Variants in PRKX observed in about 807,000 individuals in gnomAD.
PRKX encodes the protein protein kinase cAMP-dependent X-linked catalytic subunit.
Under a neutral mutation model 22.0 loss-of-function variants are expected in PRKX, and 12 were observed. The observed-to-expected ratio is 0.54, with a 90% CI of 0.35 to 0.88. The LOEUF is 0.88. Ranked by LOEUF, PRKX falls within the 40% of genes least tolerant of loss-of-function variation. The pLI is 0.01. For missense variants in PRKX, 217 were observed against 308.0 expected, an observed-to-expected ratio of 0.70 and a Z score of 2.21; for synonymous variants, 134 against 137.7, an observed-to-expected ratio of 0.97 and a Z score of 0.19.
intron 3 of PRKX, among the ~76,000 whole-genome samples, chrX:3,651,422 T>G (rs940602815): frequency 1.8e-5 from 2 of 112,039 alleles, no homozygotes; most frequent in Non-Finnish European, 3.8e-5. Flanking sequence ...TTAAAAGAAT[T>G]TACTAATATA....
chrX:3,669,658 T>C (rs948821282), intron 2 of PRKX, among the ~76,000 whole-genome samples: 1 of 111,981 alleles, frequency 8.9e-6, no homozygotes, highest in African/African-American at 3.3e-5. Flanking sequence ...TATCAATCAA[T>C]CACCTACCCA....
chrX:3,668,244 T>C (rs765649231), intron 2 of PRKX: 2 of 111,740 alleles, frequency 1.8e-5, no homozygotes, highest in Admixed American at 9.5e-5. Flanking sequence ...AAACATGCAA[T>C]GTATCATTTT....
chrX:3,622,626 G>A (rs190741757), intron 5 of PRKX, among the ~76,000 whole-genome samples: 163 of 111,355 alleles, frequency 1.5e-3, no homozygotes, highest in Non-Finnish European at 1.2e-3. Flanking sequence ...TCTGAATTAG[G>A]ATGGGATGCT....
At chrX:3,657,949 G>A (rs924815731) in intron 2 of PRKX, among the ~76,000 whole-genome samples, 3 of 111,795 alleles carry the variant, frequency 2.7e-5, no homozygotes, top group Non-Finnish European at 3.8e-5. Flanking sequence ...AAGATGGGAC[G>A]GGTGGGGTAT....
intron 2 of PRKX, among the ~76,000 whole-genome samples, chrX:3,672,843 C>T (rs1927874551): frequency 9.0e-6 from 1 of 111,102 alleles, no homozygotes; most frequent in South Asian, 3.8e-4. Flanking sequence ...CACAGCAAGA[C>T]TTCATCCTAC....
rs1926209074 is a variant in PRKX, at chrX:3,607,762, T to G, written c.*1207A>C. On this transcript the variant is annotated 3_prime_UTR_variant, in exon 9 of 9. Transcript: ENST00000262848. Reference sequence around the variant, plus strand: ...CTAGGCTCAATCTTCCTGCCTCAGCTTCCCAAAGTCCCAGGGTTACAGGAG... The same window carrying G: ...CTAGGCTCAATCTTCCTGCCTCAGCGTCCCAAAGTCCCAGGGTTACAGGAG... The G allele has an allele frequency of 9.1e-6, 1 of 110,371 alleles. No individual in the cohort carries two copies. 9.1% of individuals were successfully genotyped at this position (110,371 alleles called of 1,213,427 possible). A position where few individuals can be genotyped will look rare whatever the true frequency, so the allele number is the denominator to read the frequency against.
intron 1 of PRKX, among the ~76,000 whole-genome samples, chrX:3,704,377 A>G (rs1490984739): frequency 8.9e-6 from 1 of 112,084 alleles, no homozygotes; most frequent in African/African-American, 3.2e-5. Flanking sequence ...TAAAGTACAT[A>G]GGTCAGGCAG....
At chrX:3,629,299 C>A (rs1182577287) in intron 4 of PRKX, among the ~76,000 whole-genome samples, 11 of 109,696 alleles carry the variant, frequency 1.0e-4, no homozygotes, top group African/African-American at 3.3e-4. Flanking sequence ...TGGAGTACTG[C>A]AGCGTGATCC....
rs1252674150 is a variant in PRKX, at chrX:3,653,639, A to AATATATATATATAATATACTATGTG, written c.599+1509_599+1510insCACATAGTATATTATATATATATAT. 9.3e-4 allele frequency among the ~76,000 whole-genome samples: 35 copies of AATATATATATATAATATACTATGTG among 37,560 alleles called. 1 individual carries two copies. Among genetic ancestry groups the AATATATATATATAATATACTATGTG allele is most frequent in the Middle Eastern group, 0.015 (1 of 65 alleles). 32.6% of individuals were successfully genotyped at this position (37,560 alleles called of 115,157 possible). On this transcript the variant is annotated intron_variant, in intron 3 of 8. Transcript: ENST00000262848. ...ATATATTATATATAATATACTATGTAATATATATATTATATATAATATACT... is the reference window on the plus strand; with the variant it reads ...ATATATTATATATAATATACTATGTAATATATATATATAATATACTATGTGATATATATATTATATATAATATACT...
chrX:3,639,692 G>A (rs760180614), intron 4 of PRKX, among the ~76,000 whole-genome samples: 4 of 110,626 alleles, frequency 3.6e-5, no homozygotes, highest in South Asian at 3.9e-4. Context: ...AGGTTTTTAC[G>A]GGTTCCACTC....
chrX:3,673,346 G>A (rs1348033634), intron 2 of PRKX, among the ~76,000 whole-genome samples: 1 of 111,527 alleles, frequency 9.0e-6, no homozygotes, highest in Non-Finnish European at 1.9e-5. Flanking sequence ...GGTGGCAGGG[G>A]GCCAGTCCAC....
intron 1 of PRKX, among the ~76,000 whole-genome samples, chrX:3,689,857 G>A (rs962297322): frequency 2.9e-4 from 32 of 111,183 alleles, no homozygotes; most frequent in African/African-American, 4.3e-4. Flanking sequence ...GAAGCCTGTA[G>A]TCCCAGCTAC....
chrX:3,614,566 T>TA (rs1003534533), intron 7 of PRKX, among the ~76,000 whole-genome samples: 30 of 111,407 alleles, frequency 2.7e-4, no homozygotes, highest in Non-Finnish European at 9.4e-5. Flanking sequence ...ATGTGGGAGC[T>TA]AAAAAAATGG....
At chrX:3,648,631 T>TGTGTGTGTGTGTGTGCGC (rs1555894773) in intron 3 of PRKX, among the ~76,000 whole-genome samples, 23 of 104,810 alleles carry the variant, frequency 2.2e-4, no homozygotes, top group African/African-American at 7.8e-4. Flanking sequence ...TGTGTGTGTG[T>TGTGTGTGTGTGTGTGCGC]GTGTGTGTGT....
intron 5 of PRKX, among the ~76,000 whole-genome samples, chrX:3,626,208 C>G (rs1470931595): frequency 8.9e-6 from 1 of 112,147 alleles, no homozygotes; most frequent in East Asian, 2.8e-4. Flanking sequence ...GAACACAATA[C>G]GGCCAAGACT....
chrX:3,654,033 A>G (rs867036002), intron 3 of PRKX, among the ~76,000 whole-genome samples: 42 of 81,049 alleles, frequency 5.2e-4, no homozygotes, highest in African/African-American at 1.1e-3. Flanking sequence ...TATACTATGT[A>G]ATATATATAT....
chrX:3,689,748 C>A (rs202062710), intron 1 of PRKX, among the ~76,000 whole-genome samples: 1 of 111,661 alleles, frequency 9.0e-6, no homozygotes, highest in Non-Finnish European at 1.9e-5. Context: ...GAGGCCAAGG[C>A]GGGCGGATCA....
intron 4 of PRKX, among the ~76,000 whole-genome samples, chrX:3,629,905 C>T (rs926026250): frequency 1.8e-5 from 2 of 112,063 alleles, no homozygotes; most frequent in African/African-American, 6.5e-5. Context: ...GTAACTGAGA[C>T]TGGGTAGTCT....
chrX:3,613,965 C>CTT (rs1022865977), intron 7 of PRKX, among the ~76,000 whole-genome samples: 1 of 108,788 alleles, frequency 9.2e-6, no homozygotes, highest in African/African-American at 3.3e-5. Context: ...ATTCTCCATT[C>CTT]TTTTAACTCT....
Sources: allele counts gnomAD v4.1 joint callset (sites outside exome capture counted in the v4.1 genomes callset), GRCh38; gene constraint gnomAD v4.1.1; transcripts MANE v1.5; gene names NCBI Gene and HGNC (gene_info 2026-07-23, HGNC 2026-07-21).